Variants in PCK2 observed in about 807,000 individuals in gnomAD.
PCK2 encodes the protein phosphoenolpyruvate carboxykinase 2, mitochondrial.
In PCK2, 56 loss-of-function variants were observed where a neutral mutation model predicts 65.9. The observed-to-expected ratio is 0.85, with a 90% CI of 0.69 to 1.06. The LOEUF is 1.06. PCK2 is among the 50% of genes least tolerant of loss of function. PCK2 has a pLI of 0.00. For synonymous variants in PCK2, 305 were observed against 319.6 expected, an observed-to-expected ratio of 0.95 and a Z score of 0.49; for missense variants, 843 against 863.1, an observed-to-expected ratio of 0.98 and a Z score of 0.29.
chr14:24,099,173 CT>C lies in PCK2; in HGVS notation c.792del (p.Phe264LeufsTer21), dbSNP rs767404769. The C allele has an allele frequency of 1.1e-5, 18 of 1,609,334 alleles. No homozygotes were observed. Among genetic ancestry groups the C allele is most frequent in the Non-Finnish European group, 1.4e-5 (16 of 1,179,576 alleles). On this transcript the variant is annotated frameshift_variant, in exon 5 of 10. Coordinates refer to ENST00000216780, the MANE Select transcript of PCK2 (RefSeq NM_004563.4). LOFTEE classifies it high-confidence loss of function. ...GGNSLLGKKCFALRIASRLAR... is the reference protein window; with the variant it reads ...GGNSLLGKKCXALRIASRLAR... ...GCAACTCCCTGCTGGGCAAGAAGTG[CT>C]TTGCCCTACGCATCGCCTCTCGGCT...
chr14:24,098,020 C>G (rs977590211), intron 2 of PCK2, among the ~76,000 whole-genome samples, 183 bp from the exon 3 acceptor site: 2 of 151,814 alleles, frequency 1.3e-5, no homozygotes, highest in African/African-American at 4.8e-5. Context: ...CCCCAGAGGG[C>G]TGGGACCTTG....
At chr14:24,099,855 C>G in intron 6 of PCK2, 135 bp downstream of exon 6, 1 of 1,554,368 alleles carries the variant, frequency 6.4e-7, no homozygotes, top group Non-Finnish European at 8.9e-7. Flanking sequence ...CTCTGGCAGC[C>G]CAGCCACCCG....
rs543597068 is a variant in PCK2, at chr14:24,096,917, T to C, written c.55T>C (p.Leu19=). Residue 19 remains leucine, a synonymous_variant, in exon 2 of 10, where the codon TTG becomes CTG. Coordinates refer to ENST00000216780, the MANE Select transcript of PCK2 (RefSeq NM_004563.4). ...GCTTAACTGGCATGGGCTGAGCCCC[T>C]TGGGCTGGCCATCATGCCGTAGCAT... is the stretch of plus-strand genomic sequence containing the variant. ...LRLNWHGLSP[L]GWPSCRSIQT... The C allele has an allele frequency of 6.2e-7, 1 of 1,613,490 alleles. No individual in the cohort carries two copies. The highest frequency in any genetic ancestry group is 8.5e-7 in the Non-Finnish European group (1 of 1,179,622).
rs749808953 is a variant in PCK2 at position 24,099,165 on chromosome 14, A to C, written c.781A>C (p.Lys261Gln). 2.5e-6 allele frequency: 4 copies of C among 1,610,518 alleles called. No individual in the cohort carries two copies. The highest frequency in any genetic ancestry group is 1.7e-5 in the Admixed American group (1 of 60,004). Residue 261 changes from lysine (K) to glutamine (Q), a missense_variant, in exon 5 of 10, where the codon AAG becomes CAG. Physicochemically the swap from Lys to Gln is moderately conservative, Grantham distance 53 (BLOSUM62 1). Coordinates refer to ENST00000216780, the MANE Select transcript of PCK2 (RefSeq NM_004563.4). The part of the protein sequence containing the change: ...SGYGGNSLLG[K>Q]KCFALRIASR... The stretch of plus-strand genomic sequence containing the variant: ...CTATGGTGGCAACTCCCTGCTGGGC[A>C]AGAAGTGCTTTGCCCTACGCATCGC...
At position 24,103,559 on chromosome 14, in the gene PCK2, C is replaced by T; in HGVS notation, c.1518C>T (p.Tyr506=). 6.4e-7 allele frequency: 1 copy of T among 1,570,826 alleles called. No individual in the cohort carries two copies. The highest frequency in any genetic ancestry group is 8.6e-7 in the Non-Finnish European group (1 of 1,157,832). ...TTGCCATGCGGCCCTTTTTTGGCTA[C>T]AACTTCGGGCACTACCTGGAACACT... The part of the protein sequence containing the change: ...DPFAMRPFFG[Y]NFGHYLEHWL... The change falls in exon 10 of 10, where the codon TAC becomes TAT. Residue 506 remains tyrosine, a synonymous_variant. Transcript: ENST00000216780.
intron 9 of PCK2, 105 bp downstream of exon 9, chr14:24,103,360 G>A (rs2037243678): frequency 8.7e-7 from 1 of 1,145,724 alleles, no homozygotes; most frequent in Non-Finnish European, 1.3e-6. Context: ...AGTCTGATAT[G>A]GCCCCACCTC....
In PCK2 at chr14:24,104,005, C is replaced by G. The variant is rs372280326; in HGVS notation, c.*41C>G. On this transcript the variant is annotated 3_prime_UTR_variant, in exon 10 of 10. Transcript: ENST00000216780. The stretch of plus-strand genomic sequence containing the variant: ...TAGCAAGAGGACATAGCACCCTCAT[C>G]TGGGAATAGGGAAGGCACCTTGCAG... 4 of 1,461,542 alleles carry G rather than the reference C, an allele frequency of 2.7e-6. No homozygotes were observed. In the African/African-American group the frequency reaches 5.6e-5, roughly 20 times the overall value. 90.5% of individuals were successfully genotyped at this position (1,461,542 alleles called of 1,614,324 possible).
chr14:24,100,682 G>T, intron 7 of PCK2: 1 of 476,778 alleles, frequency 2.1e-6, no homozygotes. Context: ...GAGGAAAGCT[G>T]CCTCCTCTGC....
intron 2 of PCK2, among the ~76,000 whole-genome samples, chr14:24,097,958 C>CTT (rs113313039): frequency 2.1e-5 from 3 of 145,424 alleles, no homozygotes; most frequent in Non-Finnish European, 1.5e-5. Flanking sequence ...AGATCCTTTG[C>CTT]TTTTTTTTTT....
In PCK2 at chr14:24,104,088, A is replaced by C. The variant is rs2037283727; in HGVS notation, c.*124A>C. ...TTCAATGTGCCATAGACCTTCCCAC[A>C]AAGACTGTCCAATAATAAGAGATGC... On this transcript the variant is annotated 3_prime_UTR_variant, in exon 10 of 10. Transcript: ENST00000216780. The C allele has an allele frequency of 6.0e-6, 4 of 661,396 alleles. No homozygotes were observed. In the African/African-American group the frequency reaches 7.3e-5, roughly 12 times the overall value. The allele number at this position is 661,396 out of a possible 1,614,324, so 41.0% of individuals were successfully genotyped here. A position where few individuals can be genotyped will look rare whatever the true frequency, so the allele number is the denominator to read the frequency against.
chr14:24,096,985 C>T lies in PCK2; in HGVS notation c.123C>T (p.Pro41=). Reference sequence around the variant, plus strand: ...TTAGTGGAGATCTGGGCCAGCTTCCCACTGGCATTCGAGATTTTGTAGAGC... The same window carrying T: ...TTAGTGGAGATCTGGGCCAGCTTCCTACTGGCATTCGAGATTTTGTAGAGC... The part of the protein sequence containing the change: ...RVLSGDLGQL[P]TGIRDFVEHS... Residue 41 remains proline, a synonymous_variant, in exon 2 of 10, where the codon CCC becomes CCT. Transcript: ENST00000216780. 6.2e-7 allele frequency: 1 copy of T among 1,613,340 alleles called. No homozygotes were observed.
rs2036791979 is a variant in PCK2, at chr14:24,094,885, A to G, written c.29+451A>G. The G allele has an allele frequency of 7.9e-7, 1 of 1,258,232 alleles. No individual in the cohort carries two copies. Among genetic ancestry groups the G allele is most frequent in the Non-Finnish European group, 1.0e-6 (1 of 959,804 alleles). 77.9% of individuals were successfully genotyped at this position (1,258,232 alleles called of 1,614,324 possible). A position where few individuals can be genotyped will look rare whatever the true frequency, so the allele number is the denominator to read the frequency against. ...GGAGACTAAGCTCAGAGCCCCCTAAAGAAGGTGGAAGGTTAAATATCCATT... is the reference window on the plus strand; with the variant it reads ...GGAGACTAAGCTCAGAGCCCCCTAAGGAAGGTGGAAGGTTAAATATCCATT... On this transcript the variant is annotated intron_variant, in intron 1 of 9. Transcript: ENST00000216780. This position sits in a 1 kb window ranked among gnomAD's most constrained non-coding sequence, Gnocchi z 4.1.
Position 24,098,676 on chromosome 14 carries a change from A to C in PCK2, c.662A>C (p.Gln221Pro). 2 of 1,613,318 alleles carry C rather than the reference A, an allele frequency of 1.2e-6. No homozygotes were observed. Among genetic ancestry groups the C allele is most frequent in the Non-Finnish European group, 1.7e-6 (2 of 1,179,720 alleles). The change falls in exon 4 of 10, where the codon CAA becomes CCA. Residue 221 changes from glutamine (Q) to proline (P), a missense_variant and splice_region_variant. Gln to Pro is a moderately conservative substitution (Grantham distance 76, BLOSUM62 -1). Coordinates refer to ENST00000216780, the MANE Select transcript of PCK2 (RefSeq NM_004563.4). ...LHSVGQPLTG[Q>P]GEPVSQWPCN... Reference sequence around the variant, plus strand: ...TCCGTGGGCCAGCCCCTGACAGGACAAGGTAAGCACCTGCTCTGCCCCAAG... The same window carrying C: ...TCCGTGGGCCAGCCCCTGACAGGACCAGGTAAGCACCTGCTCTGCCCCAAG...
In PCK2 at chr14:24,094,342, C is replaced by T. The variant is rs1594277552; in HGVS notation, c.-64C>T. 8 of 1,471,036 alleles carry T rather than the reference C, an allele frequency of 5.4e-6. No homozygotes were observed. The highest frequency in any genetic ancestry group is 1.8e-4 in the Middle Eastern group (1 of 5,514). The allele number at this position is 1,471,036 out of a possible 1,614,324, so 91.1% of individuals were successfully genotyped here. ...CGCTTCGCCGCGCTCCCTCCTTCCC[C>T]GCCTTCCATACCTCCCCGGCTCCGC... On this transcript the variant is annotated 5_prime_UTR_variant, in exon 1 of 10. Transcript: ENST00000216780. The surrounding 1 kb of genome is among the most constrained non-coding windows in gnomAD (Gnocchi z 4.1).
intron 7 of PCK2, 113 bp downstream of exon 7, chr14:24,100,326 G>T (rs774578446): frequency 6.6e-7 from 1 of 1,508,296 alleles, no homozygotes; most frequent in East Asian, 2.3e-5. Flanking sequence ...AGGCACAGAA[G>T]TCATGAACGT....
intron 2 of PCK2, 127 bp downstream of exon 2, chr14:24,097,264 G>A (rs1248747562): frequency 1.1e-6 from 1 of 886,360 alleles, no homozygotes; most frequent in Non-Finnish European, 1.7e-6. Context: ...GGGGTAAACA[G>A]ACCCAGAAAC....
rs1234927107 is a variant in PCK2, at chr14:24,099,134, C to T, written c.750C>T (p.Gly250=). The T allele has an allele frequency of 3.1e-6, 5 of 1,611,960 alleles. No individual in the cohort carries two copies. The Admixed American group carries it at 8.3e-5, about 27-fold the overall frequency. Residue 250 remains glycine, a synonymous_variant, in exon 5 of 10, where the codon GGC becomes GGT. Coordinates refer to ENST00000216780, the MANE Select transcript of PCK2 (RefSeq NM_004563.4). ...ACCAGCGGGAGATCATCTCCTTCGGCAGCGGCTATGGTGGCAACTCCCTGC... is the reference window on the plus strand; with the variant it reads ...ACCAGCGGGAGATCATCTCCTTCGGTAGCGGCTATGGTGGCAACTCCCTGC... ...VPDQREIISF[G]SGYGGNSLLG...
chr14:24,100,375 C>A (rs1485903312), intron 7 of PCK2, 162 bp downstream of exon 7: 27 of 1,405,922 alleles, frequency 1.9e-5, no homozygotes, highest in Admixed American at 3.0e-5. Flanking sequence ...CAGTTCATGT[C>A]CCAACTCCAC....
chr14:24,094,182 G>A (rs2036740226), upstream of PCK2: 1 of 558,642 alleles, frequency 1.8e-6, no homozygotes. This position sits in a 1 kb window ranked among gnomAD's most constrained non-coding sequence, Gnocchi z 4.1. Flanking sequence ...GGCTGACCTG[G>A]AGCCTGGAGC....
Sources: gnomAD v4.1 joint callset for allele counts (sites outside exome capture counted in the v4.1 genomes callset) on GRCh38, gnomAD v4.1.1 for gene constraint, Gnocchi (gnomAD v3.1) non-coding constraint, MANE v1.5 for transcripts, NCBI Gene and HGNC (gene_info 2026-07-23, HGNC 2026-07-21) for gene names.